Variants in CADM1 observed in about 807,000 individuals in gnomAD.
The protein encoded by CADM1 is TSLC-1.
In CADM1, 15 loss-of-function variants were observed where a neutral mutation model predicts 53.1. The ratio of observed to expected loss-of-function variants is 0.28; its 90% CI spans 0.19 to 0.44. CADM1 has a LOEUF of 0.44. Ranked by LOEUF, CADM1 falls within the 20% of genes least tolerant of loss-of-function variation. The probability of loss-of-function intolerance (pLI) is 1.00; values close to 1 mark genes in which losing one functional copy is unlikely to be tolerated. For synonymous variants in CADM1, 281 were observed against 243.0 expected, an observed-to-expected ratio of 1.16 and a Z score of -1.45; for missense variants, 434 against 611.3, an observed-to-expected ratio of 0.71 and a Z score of 3.06.
At chr11:115,451,017 T>C (rs1399814305) in intron 1 of CADM1, among the ~76,000 whole-genome samples, 2 of 152,196 alleles carry the variant, frequency 1.3e-5, no homozygotes, top group Admixed American at 6.5e-5. Context: ...AAAGGAGCCA[T>C]TACATTGCTT....
intron 1 of CADM1, among the ~76,000 whole-genome samples, chr11:115,308,635 G>A (rs906351960): frequency 6.6e-6 from 1 of 151,744 alleles, no homozygotes; most frequent in African/African-American, 2.4e-5. Flanking sequence ...AGATATCTAT[G>A]GTACCAACAA....
Position 115,340,648 on chromosome 11 carries a change from A to ATTTT in CADM1, c.125-100229_125-100228insAAAA, listed in dbSNP as rs1565375142. Among the ~76,000 whole-genome samples the ATTTT allele has an allele frequency of 1.6e-4, 6 of 36,902 alleles. 1 individual carries two copies. The highest frequency in any genetic ancestry group is 3.3e-4 in the Admixed American group (1 of 3,000). The allele number at this position is 36,902 out of a possible 152,430, so 24.2% of individuals were successfully genotyped here. On this transcript the variant is annotated intron_variant, in intron 1 of 11. Coordinates refer to ENST00000331581, the MANE Select transcript of CADM1 (RefSeq NM_001301043.2). ...ATATTATATATATATATATATATAT[A>ATTTT]TATATATATATTTTTTTTTTTTTTT...
intron 1 of CADM1, among the ~76,000 whole-genome samples, chr11:115,432,903 C>G (rs945853534): frequency 6.6e-6 from 1 of 152,194 alleles, no homozygotes; most frequent in Non-Finnish European, 1.5e-5. Context: ...GTTTTCCTCT[C>G]GGATTCACAG....
chr11:115,329,872 A>G (rs1945086345), intron 1 of CADM1, among the ~76,000 whole-genome samples: 2 of 151,170 alleles, frequency 1.3e-5, no homozygotes, highest in African/African-American at 4.9e-5. Flanking sequence ...CATTCCATGG[A>G]CCATCTCCTC....
rs544149727 is a variant in CADM1, at chr11:115,495,277, T to C, written c.124+8994A>G. ...GACTTGTAACATCCAGGAGGCTGGA[T>C]TTATACAGCCATATTCAGCAAAGAG... On this transcript the variant is annotated intron_variant, in intron 1 of 11. Coordinates refer to ENST00000331581, the MANE Select transcript of CADM1 (RefSeq NM_001301043.2). 9.2e-5 allele frequency among the ~76,000 whole-genome samples: 14 copies of C among 152,332 alleles called. 1 individual carries two copies. In the East Asian group the frequency reaches 2.5e-3, roughly 27 times the overall value.
intron 1 of CADM1, among the ~76,000 whole-genome samples, chr11:115,334,520 A>T (rs953958631): frequency 1.3e-5 from 2 of 151,960 alleles, no homozygotes; most frequent in African/African-American, 4.8e-5. Context: ...CATAACTTTT[A>T]TTACAGCATA....
intron 3 of CADM1, 24 bp downstream of exon 3, chr11:115,238,476 G>A (rs1338332834): frequency 6.8e-6 from 11 of 1,612,960 alleles, no homozygotes; most frequent in Admixed American, 1.7e-5. Flanking sequence ...ATTTCCCCGG[G>A]TAAGCCCCAC....
chr11:115,291,800 GA>G (rs45490994), intron 1 of CADM1, among the ~76,000 whole-genome samples: 17,042 of 152,154 alleles, frequency 0.11, 1,097 homozygotes, highest in African/African-American at 0.13. Context: ...CACAGTCAGA[GA>G]AATCTTATAA....
At chr11:115,192,200 C>A (rs1939906983) in intron 9 of CADM1, among the ~76,000 whole-genome samples, 2 of 152,178 alleles carry the variant, frequency 1.3e-5, no homozygotes, top group Non-Finnish European at 2.9e-5. Flanking sequence ...ATAGAGAAAC[C>A]AAACGAACAT....
At chr11:115,267,269 C>T (rs1943167301) in intron 1 of CADM1, among the ~76,000 whole-genome samples, 2 of 152,170 alleles carry the variant, frequency 1.3e-5, no homozygotes, top group Admixed American at 6.5e-5. Context: ...GGCAACGCTC[C>T]ACAATTATAG....
intron 1 of CADM1, among the ~76,000 whole-genome samples, chr11:115,276,853 C>T (rs183943117): frequency 6.6e-6 from 1 of 152,274 alleles, no homozygotes; most frequent in Non-Finnish European, 1.5e-5. Context: ...TCTCAGCACC[C>T]GAAAACCCTT....
intron 1 of CADM1, among the ~76,000 whole-genome samples, chr11:115,288,177 G>A (rs1341386670): frequency 6.6e-6 from 1 of 152,068 alleles, no homozygotes. Flanking sequence ...CAGGGAGAAT[G>A]GCCTTGGTGT....
intron 1 of CADM1, among the ~76,000 whole-genome samples, chr11:115,302,809 T>C (rs1944266068): frequency 6.6e-6 from 1 of 151,962 alleles, no homozygotes; most frequent in Non-Finnish European, 1.5e-5. Context: ...ATGCACTGGG[T>C]CACCATTGGT....
At chr11:115,434,393 A>G (rs982771404) in intron 1 of CADM1, among the ~76,000 whole-genome samples, 3 of 152,228 alleles carry the variant, frequency 2.0e-5, no homozygotes, top group African/African-American at 7.2e-5. Flanking sequence ...TACCATATGC[A>G]AGGCACCAAG....
At chr11:115,437,378 CT>C (rs1324240595) in intron 1 of CADM1, among the ~76,000 whole-genome samples, 1 of 152,196 alleles carries the variant, frequency 6.6e-6, no homozygotes, top group African/African-American at 2.4e-5. Flanking sequence ...CCAATTCTCT[CT>C]GGACTTAAGA....
At chr11:115,381,138 T>C (rs2135153189) in intron 1 of CADM1, among the ~76,000 whole-genome samples, 1 of 151,340 alleles carries the variant, frequency 6.6e-6, no homozygotes, top group East Asian at 1.9e-4. Flanking sequence ...CTACTAAAAA[T>C]ACAAAAAAAT....
chr11:115,321,654 C>T (rs1360804386), intron 1 of CADM1, among the ~76,000 whole-genome samples: 1 of 152,202 alleles, frequency 6.6e-6, no homozygotes, highest in Non-Finnish European at 1.5e-5. Flanking sequence ...TATCCTAGTT[C>T]CAGTAGCTGC....
At chr11:115,219,421 C>T (rs1260749250) in intron 5 of CADM1, among the ~76,000 whole-genome samples, 4 of 152,250 alleles carry the variant, frequency 2.6e-5, no homozygotes, top group Admixed American at 2.6e-4. Context: ...AAGAGAGCCC[C>T]CTTGTTCACC....
chr11:115,265,256 CA>C (rs1943102392), intron 1 of CADM1, among the ~76,000 whole-genome samples: 1 of 152,116 alleles, frequency 6.6e-6, no homozygotes, highest in Non-Finnish European at 1.5e-5. Context: ...CCCCTTTTCT[CA>C]TGAGGAAAGG....
Sources: allele counts gnomAD v4.1 joint callset (sites outside exome capture counted in the v4.1 genomes callset), GRCh38; gene constraint gnomAD v4.1.1; transcripts MANE v1.5; gene names NCBI Gene and HGNC (gene_info 2026-07-23, HGNC 2026-07-21).